RELCH: variants seen among roughly 807,000 people sequenced by gnomAD.
The protein encoded by RELCH is RAB11 binding and LisH domain, coiled-coil and HEAT repeat containing.
In RELCH, 41 loss-of-function variants were observed where a neutral mutation model predicts 150.3. The observed-to-expected ratio is 0.27, with a 90% confidence interval of 0.21 to 0.35. The LOEUF (loss-of-function observed/expected upper bound fraction) is 0.35, where lower values mean the gene tolerates loss of function less well. Ranked by LOEUF, RELCH falls within the 10% of genes least tolerant of loss-of-function variation. The pLI, the probability that RELCH is intolerant of heterozygous loss-of-function variation, is 1.00. For missense variants in RELCH, 1,092 were observed against 1,467.8 expected (o/e 0.74, Z 4.18); for synonymous variants, 478 against 531.8 (o/e 0.90, Z 1.39).
intron 1 of RELCH, among the ~76,000 whole-genome samples, chr18:62,206,276 C>G (rs1739135838): frequency 6.6e-6 from 1 of 152,108 alleles, no homozygotes; most frequent in Admixed American, 6.5e-5. Flanking sequence ...TAAAGGAGAA[C>G]CTGCAAGCTA....
chr18:62,261,972 C>T (rs2043295243), intron 16 of RELCH, among the ~76,000 whole-genome samples: 1 of 151,994 alleles, frequency 6.6e-6, no homozygotes, highest in South Asian at 2.1e-4. Flanking sequence ...TCTGAGTCAA[C>T]AAAAGATTCT....
chr18:62,271,854 C>T (rs1206867574), intron 20 of RELCH, among the ~76,000 whole-genome samples: 3 of 152,110 alleles, frequency 2.0e-5, no homozygotes, highest in African/African-American at 7.2e-5. Flanking sequence ...AATCCTTTCC[C>T]CATTTCTTGT....
chr18:62,294,214 A>G (rs1462483578), intron 27 of RELCH, among the ~76,000 whole-genome samples: 1 of 152,222 alleles, frequency 6.6e-6, no homozygotes, highest in Non-Finnish European at 1.5e-5. Context: ...TCTGTGAGAT[A>G]CAAACTGGGA....
chr18:62,273,193 T>C (rs1176739831), intron 20 of RELCH, among the ~76,000 whole-genome samples: 1 of 152,076 alleles, frequency 6.6e-6, no homozygotes, highest in Non-Finnish European at 1.5e-5. Flanking sequence ...CCCATATACA[T>C]TTAGGTTAAT....
chr18:62,209,841 A>C (rs1363555554), intron 1 of RELCH, among the ~76,000 whole-genome samples: 2 of 152,130 alleles, frequency 1.3e-5, no homozygotes, highest in African/African-American at 4.8e-5. Context: ...TGTTTTTGTT[A>C]AATGTATTCT....
At chr18:62,231,577 C>T (rs1293558797) in intron 9 of RELCH, among the ~76,000 whole-genome samples, 1 of 151,914 alleles carries the variant, frequency 6.6e-6, no homozygotes, top group Non-Finnish European at 1.5e-5. Flanking sequence ...TAAGTGTACA[C>T]TGTTTATATA....
intron 1 of RELCH, among the ~76,000 whole-genome samples, chr18:62,193,834 GT>G (rs1268189491): frequency 2.0e-5 from 3 of 152,022 alleles, no homozygotes; most frequent in African/African-American, 7.2e-5. Flanking sequence ...TTAAATTAAG[GT>G]TTTTTACATG....
chr18:62,290,166 A>AT (rs1476132436), intron 26 of RELCH, among the ~76,000 whole-genome samples: 4 of 152,116 alleles, frequency 2.6e-5, no homozygotes, highest in Non-Finnish European at 4.4e-5. Flanking sequence ...AGTTACACTG[A>AT]TTTTTTTCTT....
rs758960060 is a variant in RELCH, at chr18:62,263,982, T to C, written c.2351-7T>C. ...CATATGATTTATTTTGCTTCTTTTA[T>C]GTGTAGTGACTAGGTTTCCTCGGCC... On this transcript the variant is annotated splice_polypyrimidine_tract_variant and splice_region_variant and intron_variant, in intron 16 of 28. Transcript: ENST00000644646. The C allele has an allele frequency of 1.6e-5, 25 of 1,603,224 alleles. No individual in the cohort carries two copies. Among genetic ancestry groups the C allele is most frequent in the Non-Finnish European group, 2.0e-5 (23 of 1,175,670 alleles).
chr18:62,274,643 T>C (rs1015229063), intron 21 of RELCH, among the ~76,000 whole-genome samples: 3 of 152,242 alleles, frequency 2.0e-5, no homozygotes, highest in Admixed American at 6.5e-5. Context: ...GTGACATACA[T>C]AGGACATGTA....
At chr18:62,197,997 A>G (rs1013329450) in intron 1 of RELCH, among the ~76,000 whole-genome samples, 2 of 152,198 alleles carry the variant, frequency 1.3e-5, no homozygotes, top group Non-Finnish European at 2.9e-5. Context: ...TGGGTAAATC[A>G]CTTCTTAATG....
In RELCH at chr18:62,282,339, T is replaced by G; in HGVS notation, c.3148T>G (p.Phe1050Val). The stretch of plus-strand genomic sequence containing the variant: ...AAGAGTGAAAATGCAGTTGGCTTCT[T>G]TCCTGGAAGATCCTCAGTATCAAGA... Reference protein sequence around the residue: ...LERVKMQLASFLEDPQYQDQH... With the variant: ...LERVKMQLASVLEDPQYQDQH... Residue 1050 changes from phenylalanine (F) to valine (V), a missense_variant, in exon 25 of 29, where the codon TTC becomes GTC. Physicochemically the swap from Phe to Val is conservative, Grantham distance 50 (BLOSUM62 -1). This residue lies in a region of RELCH where 707 missense variants were observed against 1,025.4 expected (regional missense o/e 0.69). Coordinates refer to ENST00000644646, the MANE Select transcript of RELCH (RefSeq NM_001346231.2). 6.2e-7 allele frequency: 1 copy of G among 1,613,358 alleles called. No individual in the cohort carries two copies. The highest frequency in any genetic ancestry group is 1.1e-5 in the South Asian group (1 of 91,016).
intron 2 of RELCH, among the ~76,000 whole-genome samples, chr18:62,214,841 C>T (rs2040387280): frequency 6.6e-6 from 1 of 152,078 alleles, no homozygotes; most frequent in African/African-American, 2.4e-5. Context: ...GGACTTTGAG[C>T]AGTAAAACCA....
chr18:62,247,355 T>C lies in RELCH; in HGVS notation c.1733+2479T>C, dbSNP rs377107871. On this transcript the variant is annotated intron_variant, in intron 11 of 28. Transcript: ENST00000644646. ...AGTGGCCTAAAAAAGAGGCAAGAAT[T>C]CCTGGCTATTATAAACAGGAGAATG... 1.3e-4 allele frequency: 20 copies of C among 152,214 alleles called. No individual in the cohort carries two copies. The East Asian group carries it at 2.3e-3, about 18-fold the overall frequency. The allele number at this position is 152,214 out of a possible 1,614,324, so 9.4% of individuals were successfully genotyped here.
At chr18:62,225,798 A>C (rs2041181106) in intron 5 of RELCH, among the ~76,000 whole-genome samples, 1 of 151,616 alleles carries the variant, frequency 6.6e-6, no homozygotes, top group African/African-American at 2.4e-5. Context: ...TCATTTAATA[A>C]GTTTTTTTTT....
chr18:62,249,937 C>T (rs1051811758), intron 11 of RELCH, among the ~76,000 whole-genome samples: 2 of 152,040 alleles, frequency 1.3e-5, no homozygotes, highest in Admixed American at 1.3e-4. Flanking sequence ...TCTCAGGCTG[C>T]TTTGATCGTA....
At chr18:62,252,082 G>C (rs145953436) in intron 11 of RELCH, among the ~76,000 whole-genome samples, 13,383 of 151,552 alleles carry the variant, frequency 0.088, 674 homozygotes, top group Middle Eastern at 0.17. Flanking sequence ...CGCAACCTCC[G>C]CTTCCCAGGT....
At position 62,307,887 on chromosome 18, in the gene RELCH, G is replaced by A. The variant is rs1257119185; in HGVS notation, c.*2353G>A. On this transcript the variant is annotated 3_prime_UTR_variant, in exon 29 of 29. Transcript: ENST00000644646. ...CTTCCAAGAACAGTGCTTGAATGATGGCAGTATCTATCTCTATACATAGGT... is the reference window on the plus strand; with the variant it reads ...CTTCCAAGAACAGTGCTTGAATGATAGCAGTATCTATCTCTATACATAGGT... 1 of 152,132 alleles carries A rather than the reference G, an allele frequency of 6.6e-6. No homozygotes were observed. Among genetic ancestry groups the A allele is most frequent in the Admixed American group, 6.5e-5 (1 of 15,278 alleles). The allele number at this position is 152,132 out of a possible 1,614,324, so 9.4% of individuals were successfully genotyped here. A position where few individuals can be genotyped will look rare whatever the true frequency, so the allele number is the denominator to read the frequency against.
At position 62,277,470 on chromosome 18, in the gene RELCH, G is replaced by T. The variant is rs551186954; in HGVS notation, c.2967+1997G>T. On this transcript the variant is annotated intron_variant, in intron 22 of 28. Coordinates refer to ENST00000644646, the MANE Select transcript of RELCH (RefSeq NM_001346231.2). Reference sequence around the variant, plus strand: ...ACAAAATTGTGTTAAAAGAATAATGGGTCATAAGATTTATTTTGATACTGA... The same window carrying T: ...ACAAAATTGTGTTAAAAGAATAATGTGTCATAAGATTTATTTTGATACTGA... 7.7e-5 allele frequency: 34 copies of T among 440,530 alleles called. 1 individual carries two copies. The South Asian group carries it at 2.9e-3, about 38-fold the overall frequency. The allele number at this position is 440,530 out of a possible 1,614,324, so 27.3% of individuals were successfully genotyped here.
Sources: allele counts gnomAD v4.1 joint callset (sites outside exome capture counted in the v4.1 genomes callset), GRCh38; gene constraint gnomAD v4.1.1; regional missense constraint gnomAD v4.1.1; transcripts MANE v1.5; gene names NCBI Gene and HGNC (gene_info 2026-07-23, HGNC 2026-07-21).